Variants in PRSS38 observed in about 807,000 individuals in gnomAD.
The protein encoded by PRSS38 is serine protease 38, also known as marapsin 2.
Under a neutral mutation model 26.8 loss-of-function variants are expected in PRSS38, and 22 were observed. That is an observed-to-expected ratio of 0.82 (90% CI 0.59 to 1.17). PRSS38 has a LOEUF of 1.17. Among genes scored for constraint, PRSS38 ranks in the 50% most tolerant of loss-of-function variants. The probability of loss-of-function intolerance (pLI) is 0.00; values close to 1 mark genes in which losing one functional copy is unlikely to be tolerated. For synonymous variants in PRSS38, 175 were observed against 172.1 expected (o/e 1.02, Z -0.13); for missense variants, 427 against 422.7 (o/e 1.01, Z -0.09).
rs1158573368 is a variant in PRSS38 at position 227,816,031 on chromosome 1, T to C, written c.149-59T>C. 1.4e-6 allele frequency: 2 copies of C among 1,380,408 alleles called. No homozygotes were observed. Among genetic ancestry groups the C allele is most frequent in the Non-Finnish European group, 2.0e-6 (2 of 1,022,018 alleles). The allele number at this position is 1,380,408 out of a possible 1,614,324, so 85.5% of individuals were successfully genotyped here. A position where few individuals can be genotyped will look rare whatever the true frequency, so the allele number is the denominator to read the frequency against. On this transcript the variant is annotated intron_variant, in intron 1 of 4. Coordinates refer to ENST00000366757, the Ensembl canonical transcript of PRSS38. This position sits in a 1 kb window ranked among gnomAD's most constrained non-coding sequence, Gnocchi z 5.1. ...CTGCCCCTCCCCCACGTCCCCTGCC[T>C]GCCCTACCTCTCCCGTGGCCCCAGC...
At chr1:227,825,093 T>G (rs148909188) in intron 3 of PRSS38, among the ~76,000 whole-genome samples, 4,039 of 152,330 alleles carry the variant, frequency 0.027, 65 homozygotes, top group South Asian at 0.083. Flanking sequence ...ATTTGTCAAT[T>G]TTTGCTTTTG....
chr1:227,832,561 G>A (rs1453359214), intron 3 of PRSS38, among the ~76,000 whole-genome samples: 1 of 152,118 alleles, frequency 6.6e-6, no homozygotes, highest in East Asian at 1.9e-4. Context: ...TATAACAATG[G>A]TTAAATACCG....
chr1:227,819,240 A>G (rs757876197), intron 3 of PRSS38, among the ~76,000 whole-genome samples: 1 of 152,168 alleles, frequency 6.6e-6, no homozygotes, highest in Non-Finnish European at 1.5e-5. Flanking sequence ...ATTCACTCCT[A>G]TAGCCATCTA....
chr1:227,839,285 C>T (rs927459225), intron 3 of PRSS38, among the ~76,000 whole-genome samples: 4 of 151,950 alleles, frequency 2.6e-5, no homozygotes, highest in Admixed American at 6.6e-5. Flanking sequence ...CATAGTGAGA[C>T]CCCATCCCTA....
intron 3 of PRSS38, among the ~76,000 whole-genome samples, chr1:227,832,938 A>G (rs1368721986): frequency 6.6e-6 from 1 of 152,232 alleles, no homozygotes; most frequent in African/African-American, 2.4e-5. Context: ...CTGCAATAGC[A>G]CCCAAACCAA....
exon 5 of PRSS38, chr1:227,846,400 G>A (rs757058636): frequency 1.8e-4 from 122 of 688,066 alleles, no homozygotes; most frequent in Non-Finnish European, 1.8e-4. Flanking sequence ...GAGAGGGGCT[G>A]GTCAGGGAGA....
intron 3 of PRSS38, among the ~76,000 whole-genome samples, chr1:227,834,839 A>T (rs888004029): frequency 1.3e-5 from 2 of 152,224 alleles, no homozygotes; most frequent in African/African-American, 4.8e-5. Flanking sequence ...CTCAAAAAAA[A>T]TTGATAAATT....
In PRSS38 at chr1:227,816,848, C is replaced by T. The variant is rs571376441; in HGVS notation, c.312-361C>T. Among the ~76,000 whole-genome samples, 151 of 152,368 alleles carry T rather than the reference C, an allele frequency of 9.9e-4. No homozygotes were observed. Among genetic ancestry groups the T allele is most frequent in the African/African-American group, 3.4e-3 (142 of 41,596 alleles). On this transcript the variant is annotated intron_variant, in intron 2 of 4. Coordinates refer to ENST00000366757, the Ensembl canonical transcript of PRSS38. This position sits in a 1 kb window ranked among gnomAD's most constrained non-coding sequence, Gnocchi z 5.1. The stretch of plus-strand genomic sequence containing the variant: ...TTCCCGATTGCTCCTCCAACAGCCC[C>T]ATTCACCACAGCTGCCCCGCACAGC...
At chr1:227,833,208 C>T (rs1665181799) in intron 3 of PRSS38, among the ~76,000 whole-genome samples, 1 of 152,012 alleles carries the variant, frequency 6.6e-6, no homozygotes, top group Non-Finnish European at 1.5e-5. Context: ...TTAGAAGAGG[C>T]CACAAATAGC....
exon 3 of PRSS38, chr1:227,817,411 G>A: frequency 6.2e-7 from 1 of 1,614,142 alleles, no homozygotes; most frequent in South Asian, 1.1e-5. Flanking sequence ...GGTTTGCCTT[G>A]CAACTCCAGA....
At chr1:227,844,842 C>T (rs1665395348) in intron 3 of PRSS38, among the ~76,000 whole-genome samples, 1 of 149,774 alleles carries the variant, frequency 6.7e-6, no homozygotes, top group Non-Finnish European at 1.5e-5. Flanking sequence ...TGGGGCTCCT[C>T]CCTATGTGTG....
chr1:227,829,999 T>C (rs1413727981), intron 3 of PRSS38, among the ~76,000 whole-genome samples: 6 of 152,162 alleles, frequency 3.9e-5, no homozygotes, highest in Non-Finnish European at 2.9e-5. Context: ...GTTTGTTGAG[T>C]ATCTTTGTTA....
At chr1:227,839,191 GGT>G (rs1316675816) in intron 3 of PRSS38, among the ~76,000 whole-genome samples, 1 of 152,210 alleles carries the variant, frequency 6.6e-6, no homozygotes, top group Admixed American at 6.5e-5. Flanking sequence ...CAGGTGCAGT[GGT>G]TCAAGCCTGT....
At chr1:227,823,125 A>G (rs1665026161) in intron 3 of PRSS38, among the ~76,000 whole-genome samples, 1 of 152,042 alleles carries the variant, frequency 6.6e-6, no homozygotes, top group Non-Finnish European at 1.5e-5. Context: ...TCCAATGCAT[A>G]TTATTCCACT....
At chr1:227,840,015 A>C (rs1228490056) in intron 3 of PRSS38, among the ~76,000 whole-genome samples, 1 of 152,144 alleles carries the variant, frequency 6.6e-6, no homozygotes, top group Non-Finnish European at 1.5e-5. Flanking sequence ...CCAACCCAGA[A>C]AACCGCAGCC....
At position 227,816,374 on chromosome 1, in the gene PRSS38, C is replaced by A; in HGVS notation, c.311+122C>A. 9.2e-7 allele frequency: 1 copy of A among 1,084,090 alleles called. No individual in the cohort carries two copies. Among genetic ancestry groups the A allele is most frequent in the Non-Finnish European group, 1.3e-6 (1 of 754,822 alleles). 67.2% of individuals were successfully genotyped at this position (1,084,090 alleles called of 1,614,324 possible). The stretch of plus-strand genomic sequence containing the variant: ...CATTGTCGACTCCCTTCACCACTGT[C>A]GACCCGCGCAAGGCCAGGTCCCCAC... On this transcript the variant is annotated intron_variant, in intron 2 of 4. Transcript: ENST00000366757. The surrounding 1 kb of genome is among the most constrained non-coding windows in gnomAD (Gnocchi z 5.1).
In PRSS38 at chr1:227,817,132, G is replaced by A. The variant is rs556321376; in HGVS notation, c.312-77G>A. ...CCCACCGAGTGAGTGCCAGCCCCTT[G>A]CGCTTGGCCTCCCCAGGCCTGTGGG... On this transcript the variant is annotated intron_variant, in intron 2 of 4. Coordinates refer to ENST00000366757, the Ensembl canonical transcript of PRSS38. 1.1e-4 allele frequency: 167 copies of A among 1,480,406 alleles called. No individual in the cohort carries two copies. In the Middle Eastern group the frequency reaches 1.9e-3, roughly 17 times the overall value. 91.7% of individuals were successfully genotyped at this position (1,480,406 alleles called of 1,614,324 possible).
intron 3 of PRSS38, 71 bp downstream of exon 3, chr1:227,817,551 T>C: frequency 3.9e-6 from 6 of 1,538,516 alleles, no homozygotes; most frequent in Non-Finnish European, 5.3e-6. Flanking sequence ...GAAAATGCTC[T>C]GCCAGCTAAG....
chr1:227,840,038 G>T (rs904878186), intron 3 of PRSS38, among the ~76,000 whole-genome samples: 1 of 152,154 alleles, frequency 6.6e-6, no homozygotes, highest in African/African-American at 2.4e-5. Context: ...TGTCTTACAG[G>T]GGTCAGTAAA....
Sources: gnomAD v4.1 joint callset for allele counts (sites outside exome capture counted in the v4.1 genomes callset) on GRCh38, gnomAD v4.1.1 for gene constraint, Gnocchi (gnomAD v3.1) non-coding constraint, MANE v1.5 for transcripts, NCBI Gene and HGNC (gene_info 2026-07-23, HGNC 2026-07-21) for gene names.